TLK1: variants seen among roughly 807,000 people sequenced by gnomAD.
TLK1 encodes the protein serine/threonine-protein kinase tousled-like 1.
A neutral mutation model predicts 105.3 loss-of-function variants in TLK1; 24 were observed. The ratio of observed to expected loss-of-function variants is 0.23; its 90% CI spans 0.17 to 0.32. The LOEUF is 0.32. Among genes scored for constraint, TLK1 ranks in the 10% least tolerant of loss-of-function variants. The pLI is 1.00. For missense variants in TLK1, 558 were observed against 910.5 expected, an observed-to-expected ratio of 0.61 and a Z score of 4.98; for synonymous variants, 321 against 310.4, an observed-to-expected ratio of 1.03 and a Z score of -0.36.
At chr2:171,173,963 G>A (rs540631907) in intron 1 of TLK1, among the ~76,000 whole-genome samples, 9 of 152,102 alleles carry the variant, frequency 5.9e-5, no homozygotes, top group Non-Finnish European at 8.8e-5. Context: ...CTAAGACTAC[G>A]GTGTCTCTTA....
Position 171,006,468 on chromosome 2 carries a change from A to C in TLK1, c.1768+6T>G. On this transcript the variant is annotated splice_donor_region_variant and intron_variant, in intron 17 of 20. Coordinates refer to ENST00000431350, the MANE Select transcript of TLK1 (RefSeq NM_012290.5). Reference sequence around the variant, plus strand: ...TTAAAAAAAATTAGACAAATTTCATAATTACCTGGCTTAAGATCATAATGT... The same window carrying C: ...TTAAAAAAAATTAGACAAATTTCATCATTACCTGGCTTAAGATCATAATGT... 1 of 1,560,704 alleles carries C rather than the reference A, an allele frequency of 6.4e-7. No homozygotes were observed. Among genetic ancestry groups the C allele is most frequent in the Non-Finnish European group, 8.6e-7 (1 of 1,158,612 alleles).
intron 1 of TLK1, among the ~76,000 whole-genome samples, chr2:171,171,157 T>C (rs2105302285): frequency 6.6e-6 from 1 of 152,252 alleles, no homozygotes; most frequent in South Asian, 2.1e-4. Flanking sequence ...TTTTGATAGG[T>C]TAAACAATAT....
rs1683843520 is a variant in TLK1 at position 170,992,869 on chromosome 2, A to C, written c.*911T>G. ...AAGAATAAGCTGCTGAAACTTAGTA[A>C]TTGAAATATGACATCTGTACAACAA... On this transcript the variant is annotated 3_prime_UTR_variant, in exon 21 of 21. Coordinates refer to ENST00000431350, the MANE Select transcript of TLK1 (RefSeq NM_012290.5). 6.6e-6 allele frequency: 1 copy of C among 152,654 alleles called. No homozygotes were observed. The highest frequency in any genetic ancestry group is 6.5e-5 in the Admixed American group (1 of 15,286). 9.5% of individuals were successfully genotyped at this position (152,654 alleles called of 1,614,324 possible).
chr2:171,048,250 C>T, intron 10 of TLK1, among the ~76,000 whole-genome samples: 1 of 152,170 alleles, frequency 6.6e-6, no homozygotes, highest in East Asian at 1.9e-4. Context: ...CACCTGTGGC[C>T]TCTTTTCTGA....
intron 1 of TLK1, among the ~76,000 whole-genome samples, chr2:171,144,405 T>C (rs754517827): frequency 3.3e-5 from 5 of 152,130 alleles, no homozygotes; most frequent in African/African-American, 4.8e-5. Flanking sequence ...TTCTCCAGGA[T>C]AGATGATCTA....
At chr2:171,069,877 T>C (rs1688173696) in intron 3 of TLK1, among the ~76,000 whole-genome samples, 1 of 152,196 alleles carries the variant, frequency 6.6e-6, no homozygotes, top group African/African-American at 2.4e-5. Flanking sequence ...AAAAGCTCTT[T>C]AGGGTCCTTC....
chr2:171,141,195 G>C (rs974305710), intron 1 of TLK1, among the ~76,000 whole-genome samples: 6 of 152,188 alleles, frequency 3.9e-5, no homozygotes, highest in South Asian at 2.1e-4. Context: ...ACTATCCGAA[G>C]TGATATAGTC....
chr2:171,096,254 T>G (rs968929771), intron 2 of TLK1, among the ~76,000 whole-genome samples: 3 of 151,520 alleles, frequency 2.0e-5, no homozygotes, highest in Admixed American at 6.6e-5. Context: ...AATTCCAGCA[T>G]TTTGGGAGGC....
chr2:171,157,441 A>C (rs1692283298), intron 1 of TLK1, among the ~76,000 whole-genome samples: 1 of 152,220 alleles, frequency 6.6e-6, no homozygotes, highest in East Asian at 1.9e-4. Context: ...GAAAATCTAG[A>C]GCTACATCGC....
At chr2:171,110,648 T>C (rs997676881) in intron 2 of TLK1, among the ~76,000 whole-genome samples, 1 of 152,232 alleles carries the variant, frequency 6.6e-6, no homozygotes, top group Non-Finnish European at 1.5e-5. Flanking sequence ...TATCCATTTA[T>C]ATAGCATCTC....
intron 1 of TLK1, among the ~76,000 whole-genome samples, chr2:171,225,101 C>T (rs1033332270): frequency 6.6e-6 from 1 of 151,512 alleles, no homozygotes; most frequent in Non-Finnish European, 1.5e-5. Flanking sequence ...CTAAATATGA[C>T]CCTAAAAGCA....
chr2:171,077,917 A>G (rs1482290922), intron 3 of TLK1, among the ~76,000 whole-genome samples: 3 of 152,204 alleles, frequency 2.0e-5, no homozygotes, highest in Non-Finnish European at 2.9e-5. Context: ...CTTTTATAAA[A>G]AACACTTGAC....
chr2:171,065,304 T>C (rs556271548), intron 3 of TLK1, among the ~76,000 whole-genome samples: 14 of 152,324 alleles, frequency 9.2e-5, no homozygotes, highest in Admixed American at 3.3e-4. Context: ...CCTCACTGAA[T>C]AGACAACAAA....
chr2:171,052,356 G>C (rs1441919052), intron 8 of TLK1, among the ~76,000 whole-genome samples: 1 of 152,196 alleles, frequency 6.6e-6, no homozygotes, highest in African/African-American at 2.4e-5. Flanking sequence ...CTCTGGCTAT[G>C]TCTTTCCTAA....
chr2:171,010,357 AGAG>A (rs1684855356), intron 14 of TLK1, among the ~76,000 whole-genome samples: 1 of 152,214 alleles, frequency 6.6e-6, no homozygotes, highest in Non-Finnish European at 1.5e-5. Flanking sequence ...AAGACATTTT[AGAG>A]GAGAGGAAGA....
At chr2:171,067,139 T>A (rs1465033940) in intron 3 of TLK1, among the ~76,000 whole-genome samples, 2 of 149,720 alleles carry the variant, frequency 1.3e-5, no homozygotes, top group African/African-American at 2.4e-5. Context: ...AAATGCTGTA[T>A]CACAGAATAT....
intron 2 of TLK1, among the ~76,000 whole-genome samples, chr2:171,104,339 C>T (rs978165227): frequency 2.7e-5 from 4 of 149,212 alleles, no homozygotes; most frequent in Non-Finnish European, 4.5e-5. Flanking sequence ...TAGAAATAAA[C>T]GTAACCAATG....
At chr2:171,022,100 C>CAGACACACACACAT (rs1553605642) in intron 12 of TLK1, among the ~76,000 whole-genome samples, 1 of 150,442 alleles carries the variant, frequency 6.6e-6, no homozygotes. Context: ...CACACACACA[C>CAGACACACACACAT]ACACACACAC....
chr2:171,102,114 T>A (rs1689717644), intron 2 of TLK1, among the ~76,000 whole-genome samples: 1 of 152,240 alleles, frequency 6.6e-6, no homozygotes, highest in African/African-American at 2.4e-5. Flanking sequence ...ATTTTTCTCT[T>A]AATATATCTT....
Sources: gnomAD v4.1 joint callset for allele counts (sites outside exome capture counted in the v4.1 genomes callset) on GRCh38, gnomAD v4.1.1 for gene constraint, MANE v1.5 for transcripts, NCBI Gene and HGNC (gene_info 2026-07-23, HGNC 2026-07-21) for gene names.